AMN1: variants seen among roughly 807,000 people sequenced by gnomAD.
AMN1 encodes the protein protein AMN1 homolog.
AMN1 carries 20 observed loss-of-function variants against 33.0 expected under a neutral mutation model. The observed-to-expected ratio is 0.61, with a 90% CI of 0.43 to 0.88. The LOEUF is 0.88. Among genes scored for constraint, AMN1 ranks in the 40% least tolerant of loss-of-function variants. The probability of loss-of-function intolerance (pLI) is 0.00; values close to 1 mark genes in which losing one functional copy is unlikely to be tolerated. For missense variants in AMN1, 246 were observed against 307.4 expected (o/e 0.80, Z 1.49); for synonymous variants, 114 against 111.9 (o/e 1.02, Z -0.12).
At chr12:31,697,697 G>T (rs375411486) in intron 4 of AMN1, 43 bp downstream of exon 4, 2 of 1,561,952 alleles carry the variant, frequency 1.3e-6, no homozygotes, top group African/African-American at 2.7e-5. Context: ...AATACATTTG[G>T]TAAACACATA....
rs756636610 is a variant in AMN1, at chr12:31,672,363, C to T, written c.718G>A (p.Val240Met). 6.4e-7 allele frequency: 1 copy of T among 1,573,160 alleles called. No homozygotes were observed. The highest frequency in any genetic ancestry group is 1.3e-5 in the African/African-American group (1 of 74,074). ...TTTGGGCCTACTAATTGCTCCAACA[C>T]TTCTCGGGAATGATCTATAAAAGAA... ...CPLITDHSRE[V>M]LEQLVGPNKL... The change falls in exon 7 of 7, where the codon GTG becomes ATG. Residue 240 changes from valine (V) to methionine (M), a missense_variant. Transcript: ENST00000281471.
At chr12:31,729,133 T>C, upstream of AMN1, 1 of 1,124,694 alleles carries the variant, frequency 8.9e-7, no homozygotes, top group Admixed American at 2.7e-5. Flanking sequence ...ATTTTTCCGG[T>C]GACCGGGGCG....
At chr12:31,675,238 T>C (rs1226622017) in intron 6 of AMN1, among the ~76,000 whole-genome samples, 4 of 151,628 alleles carry the variant, frequency 2.6e-5, no homozygotes, top group Non-Finnish European at 5.9e-5. Context: ...GGAAATATAG[T>C]GAGACCCTGT....
chr12:31,712,536 G>A (rs934218574), intron 1 of AMN1, among the ~76,000 whole-genome samples: 12 of 151,358 alleles, frequency 7.9e-5, no homozygotes, highest in East Asian at 3.9e-4. Context: ...ATGAGCCACC[G>A]TACCCAGCAG....
At chr12:31,674,032 C>T (rs61930410) in intron 6 of AMN1, among the ~76,000 whole-genome samples, 1 of 150,364 alleles carries the variant, frequency 6.7e-6, no homozygotes, top group African/African-American at 2.4e-5. Context: ...TTTTTGGAGG[C>T]TCTACAGGGG....
chr12:31,688,964 A>C, intron 6 of AMN1, 43 bp downstream of exon 6: 1 of 1,331,542 alleles, frequency 7.5e-7, no homozygotes, highest in East Asian at 2.3e-5. Context: ...ACACAGTAAA[A>C]GATGAAGCCA....
chr12:31,715,917 A>G (rs1363434167), intron 1 of AMN1: 1 of 152,274 alleles, frequency 6.6e-6, no homozygotes, highest in Non-Finnish European at 1.5e-5. Context: ...TAGTTTATTA[A>G]GTTTCCTAAC....
At chr12:31,727,634 C>A (rs1940130098) in intron 1 of AMN1, among the ~76,000 whole-genome samples, 1 of 152,192 alleles carries the variant, frequency 6.6e-6, no homozygotes, top group African/African-American at 2.4e-5. Context: ...TCAAAAATAA[C>A]CCCCTTGACA....
At chr12:31,697,183 T>A (rs1458289255) in intron 5 of AMN1, among the ~76,000 whole-genome samples, 178 bp downstream of exon 5, 1 of 152,180 alleles carries the variant, frequency 6.6e-6, no homozygotes, top group African/African-American at 2.4e-5. Flanking sequence ...TTAAAGCACC[T>A]TTATTTTATA....
At chr12:31,696,687 G>T (rs1395912676) in intron 5 of AMN1, among the ~76,000 whole-genome samples, 2 of 152,098 alleles carry the variant, frequency 1.3e-5, no homozygotes, top group African/African-American at 4.8e-5. Flanking sequence ...AGTACTATGA[G>T]AGGCCGAGGC....
At chr12:31,706,594 G>A (rs779754814) in intron 2 of AMN1, among the ~76,000 whole-genome samples, 68 of 151,654 alleles carry the variant, frequency 4.5e-4, no homozygotes, top group Admixed American at 2.1e-3. Context: ...GAGTAGTATC[G>A]AAGGAAATTA....
rs936155452 is a variant in AMN1 at position 31,683,408 on chromosome 12, C to T, written c.703+5599G>A. Reference sequence around the variant, plus strand: ...TGTGAACTGAACTAGTTACTTTTCTCATGGAACACCATTTTTACTTTTTAA... The same window carrying T: ...TGTGAACTGAACTAGTTACTTTTCTTATGGAACACCATTTTTACTTTTTAA... On this transcript the variant is annotated intron_variant, in intron 6 of 6. Coordinates refer to ENST00000281471, the MANE Select transcript of AMN1 (RefSeq NM_001113402.2). The surrounding 1 kb of genome is among the most constrained non-coding windows in gnomAD (Gnocchi z 4.1). Among the ~76,000 whole-genome samples the T allele has an allele frequency of 4.6e-5, 7 of 152,202 alleles. No individual in the cohort carries two copies. Among genetic ancestry groups the T allele is most frequent in the Admixed American group, 2.6e-4 (4 of 15,278 alleles).
chr12:31,688,948 A>T (rs1047387534), intron 6 of AMN1, 59 bp downstream of exon 6: 1 of 1,116,594 alleles, frequency 9.0e-7, no homozygotes, highest in African/African-American at 1.5e-5. Flanking sequence ...TAATGTACTC[A>T]AGGTCACACA....
Position 31,683,892 on chromosome 12 carries a change from A to G in AMN1, c.703+5115T>C, listed in dbSNP as rs746165132. On this transcript the variant is annotated intron_variant, in intron 6 of 6. Coordinates refer to ENST00000281471, the MANE Select transcript of AMN1 (RefSeq NM_001113402.2). This position sits in a 1 kb window ranked among gnomAD's most constrained non-coding sequence, Gnocchi z 4.1. ...GAAATGAGGCTGTCATTTCAAAGAA[A>G]ACAAATGACAGAATTTGTTGTCAGT... 9.2e-5 allele frequency among the ~76,000 whole-genome samples: 14 copies of G among 152,232 alleles called. No homozygotes were observed. The highest frequency in any genetic ancestry group is 2.2e-4 in the African/African-American group (9 of 41,456).
intron 1 of AMN1, 78 bp downstream of exon 1, chr12:31,728,893 G>GGAAGAGCAGCGCAGGGCC: frequency 6.8e-7 from 1 of 1,467,422 alleles, no homozygotes; most frequent in South Asian, 1.3e-5. Context: ...GGGGCGGGGA[G>GGAAGAGCAGCGCAGGGCC]GAAGAGCAGC....
At chr12:31,686,202 T>C (rs1938253753) in intron 6 of AMN1, among the ~76,000 whole-genome samples, 2 of 152,092 alleles carry the variant, frequency 1.3e-5, no homozygotes, top group Admixed American at 6.5e-5. Flanking sequence ...TCCCAGCACT[T>C]TGGGAGACTG....
chr12:31,722,219 G>A (rs1471414258), intron 1 of AMN1, among the ~76,000 whole-genome samples: 24 of 151,224 alleles, frequency 1.6e-4, no homozygotes, highest in Admixed American at 6.6e-4. Context: ...ACATTTTTTC[G>A]GGTTATGGTT....
chr12:31,692,542 G>GCATACT (rs1938548807), intron 5 of AMN1, among the ~76,000 whole-genome samples: 1 of 151,528 alleles, frequency 6.6e-6, no homozygotes, highest in Non-Finnish European at 1.5e-5. Context: ...TACTGAAATT[G>GCATACT]CATACTCATA....
chr12:31,714,908 A>G, intron 1 of AMN1: 1 of 984,392 alleles, frequency 1.0e-6, no homozygotes. Flanking sequence ...CACTGCCACC[A>G]ACAACATTGT....
Sources: gnomAD v4.1 joint callset for allele counts (sites outside exome capture counted in the v4.1 genomes callset) on GRCh38, gnomAD v4.1.1 for gene constraint, Gnocchi (gnomAD v3.1) non-coding constraint, MANE v1.5 for transcripts, NCBI Gene and HGNC (gene_info 2026-07-23, HGNC 2026-07-21) for gene names.